GRM8: variants seen among roughly 807,000 people sequenced by gnomAD.
The protein encoded by GRM8 is metabotropic glutamate receptor 8.
In GRM8, 47 loss-of-function variants were observed where a neutral mutation model predicts 87.2. The ratio of observed to expected loss-of-function variants is 0.54; its 90% CI spans 0.43 to 0.69. The LOEUF (loss-of-function observed/expected upper bound fraction) is 0.69, where lower values mean the gene tolerates loss of function less well. Ranked by LOEUF, GRM8 falls within the 30% of genes least tolerant of loss-of-function variation. The pLI, the probability that GRM8 is intolerant of heterozygous loss-of-function variation, is 0.00. For synonymous variants in GRM8, 396 were observed against 404.5 expected, an observed-to-expected ratio of 0.98 and a Z score of 0.25; for missense variants, 1,019 against 1,139.2, an observed-to-expected ratio of 0.89 and a Z score of 1.52.
chr7:127,188,551 G>A (rs2116465826), intron 2 of GRM8, among the ~76,000 whole-genome samples: 1 of 152,134 alleles, frequency 6.6e-6, no homozygotes, highest in Middle Eastern at 3.4e-3. Context: ...TTCAATGAAT[G>A]GACTGCCATC....
intron 10 of GRM8, among the ~76,000 whole-genome samples, chr7:126,444,810 G>A (rs190583721): frequency 1.3e-5 from 2 of 152,036 alleles, no homozygotes; most frequent in African/African-American, 4.8e-5. Flanking sequence ...CAGACTGCTG[G>A]ATGAATATGA....
intron 6 of GRM8, among the ~76,000 whole-genome samples, chr7:126,836,469 C>T (rs1795838335): frequency 6.6e-6 from 1 of 152,144 alleles, no homozygotes; most frequent in Non-Finnish European, 1.5e-5. Flanking sequence ...TAACATAGCC[C>T]ACAATATTCT....
chr7:126,973,831 A>G (rs1438038561), intron 3 of GRM8, among the ~76,000 whole-genome samples: 1 of 152,214 alleles, frequency 6.6e-6, no homozygotes, highest in Non-Finnish European at 1.5e-5. Context: ...AATCTCTCTT[A>G]TATGTGGAGT....
chr7:126,606,601 T>C (rs938049201), intron 8 of GRM8, among the ~76,000 whole-genome samples: 17 of 152,328 alleles, frequency 1.1e-4, no homozygotes, highest in African/African-American at 3.8e-4. Context: ...ATTTGATTTG[T>C]CCTGATAATC....
intron 9 of GRM8, among the ~76,000 whole-genome samples, chr7:126,457,859 T>G (rs1244695741): frequency 2.0e-5 from 3 of 147,258 alleles, no homozygotes; most frequent in Non-Finnish European, 3.0e-5. Context: ...AAAAAAAAAA[T>G]CTTTGGAAAG....
chr7:127,147,578 T>A (rs923976306), intron 2 of GRM8, among the ~76,000 whole-genome samples: 1 of 152,032 alleles, frequency 6.6e-6, no homozygotes, highest in African/African-American at 2.4e-5. Context: ...TTCTGCCCTG[T>A]ACAAGTATAC....
chr7:126,941,333 C>T lies in GRM8; in HGVS notation c.728-36650G>A, dbSNP rs1196775129. Among the ~76,000 whole-genome samples, 9 of 151,622 alleles carry T rather than the reference C, an allele frequency of 5.9e-5. 1 individual carries two copies. In the South Asian group the frequency reaches 8.3e-4, roughly 14 times the overall value. ...TTATTTGAAAGTGTTTCAGGCCTTG[C>T]GCGGTGACTCACGGCTGTAATCCCA... On this transcript the variant is annotated intron_variant, in intron 3 of 10. Coordinates refer to ENST00000339582, the MANE Select transcript of GRM8 (RefSeq NM_000845.3).
chr7:127,247,094 A>T (rs1259644999), intron 1 of GRM8, among the ~76,000 whole-genome samples: 1 of 152,210 alleles, frequency 6.6e-6, no homozygotes, highest in African/African-American at 2.4e-5. Context: ...TTAGCTCTGG[A>T]AGAACACTAA....
intron 8 of GRM8, among the ~76,000 whole-genome samples, chr7:126,549,177 T>G (rs1021651395): frequency 6.6e-6 from 1 of 152,066 alleles, no homozygotes; most frequent in African/African-American, 2.4e-5. Flanking sequence ...ACAGAGGCTA[T>G]TGAGAGAATT....
chr7:127,147,433 C>T (rs1251759136), intron 2 of GRM8, among the ~76,000 whole-genome samples: 1 of 152,026 alleles, frequency 6.6e-6, no homozygotes, highest in Non-Finnish European at 1.5e-5. Context: ...TCGTAATGCT[C>T]TCTGCAAGCT....
intron 7 of GRM8, among the ~76,000 whole-genome samples, chr7:126,671,992 G>A (rs977103731): frequency 1.1e-4 from 17 of 152,158 alleles, no homozygotes; most frequent in African/African-American, 4.1e-4. Context: ...CCCTAGGAAG[G>A]AAAACTGGAT....
intron 9 of GRM8, among the ~76,000 whole-genome samples, chr7:126,451,623 A>G (rs1341688847): frequency 6.6e-6 from 1 of 151,630 alleles, no homozygotes; most frequent in Non-Finnish European, 1.5e-5. Flanking sequence ...ATGACTTCCC[A>G]TTGATTGTAT....
chr7:126,675,617 A>G (rs1806877797), intron 7 of GRM8, among the ~76,000 whole-genome samples: 1 of 152,244 alleles, frequency 6.6e-6, no homozygotes. Flanking sequence ...GATTCACTGC[A>G]TACATAGAAG....
rs111772223 is a variant in GRM8 at position 126,872,609 on chromosome 7, T to G, written c.1156+29933A>C. 6.6e-3 allele frequency among the ~76,000 whole-genome samples: 1,005 copies of G among 152,284 alleles called. 10 individuals carry two copies. Among genetic ancestry groups the G allele is most frequent in the Non-Finnish European group, 0.011 (738 of 68,000 alleles). On this transcript the variant is annotated intron_variant, in intron 6 of 10. Coordinates refer to ENST00000339582, the MANE Select transcript of GRM8 (RefSeq NM_000845.3). Reference sequence around the variant, plus strand: ...ACCTTCTTTTGAGACCATGTTAACATTTTTGAAACTGTGCATTATTCTTTT... The same window carrying G: ...ACCTTCTTTTGAGACCATGTTAACAGTTTTGAAACTGTGCATTATTCTTTT...
At chr7:126,910,924 C>T (rs1341742821) in intron 3 of GRM8, among the ~76,000 whole-genome samples, 1 of 152,150 alleles carries the variant, frequency 6.6e-6, no homozygotes, top group Admixed American at 6.5e-5. Context: ...CTTGAAAAGT[C>T]TCTCATCTCT....
At chr7:127,130,327 G>A (rs1015268729) in intron 2 of GRM8, among the ~76,000 whole-genome samples, 3 of 152,188 alleles carry the variant, frequency 2.0e-5, no homozygotes, top group African/African-American at 7.2e-5. Context: ...TTGGATCTGG[G>A]TAACAGGCAG....
intron 3 of GRM8, among the ~76,000 whole-genome samples, chr7:126,979,066 GCATACTTTCCTT>G (rs1175535839): frequency 3.3e-5 from 5 of 152,184 alleles, no homozygotes; most frequent in Non-Finnish European, 7.3e-5. Context: ...AAGATCTGAA[GCATACTTTCCTT>G]TCTTCAATAC....
chr7:127,154,387 C>T (rs997677394), intron 2 of GRM8, among the ~76,000 whole-genome samples: 7 of 152,016 alleles, frequency 4.6e-5, no homozygotes, highest in African/African-American at 1.7e-4. Flanking sequence ...AAGTCCCAAG[C>T]TTTGTAAGTG....
intron 9 of GRM8, among the ~76,000 whole-genome samples, chr7:126,526,629 G>T (rs1813891120): frequency 6.6e-6 from 1 of 152,186 alleles, no homozygotes; most frequent in African/African-American, 2.4e-5. Context: ...GATTCATTGA[G>T]CAAATATTTA....
Sources: gnomAD v4.1 joint callset for allele counts (sites outside exome capture counted in the v4.1 genomes callset) on GRCh38, gnomAD v4.1.1 for gene constraint, MANE v1.5 for transcripts, NCBI Gene and HGNC (gene_info 2026-07-23, HGNC 2026-07-21) for gene names.